Variants in NBEA observed in about 807,000 individuals in gnomAD.
NBEA encodes the protein neurobeachin.
A neutral mutation model predicts 343.4 loss-of-function variants in NBEA; 44 were observed. The ratio of observed to expected loss-of-function variants is 0.13; its 90% CI spans 0.10 to 0.16. The LOEUF is 0.16. Among genes scored for constraint, NBEA ranks in the 10% least tolerant of loss-of-function variants. NBEA has a pLI of 1.00. For synonymous variants in NBEA, 1,175 were observed against 1,238.7 expected (o/e 0.95, Z 1.08); for missense variants, 2,555 against 3,631.3 (o/e 0.70, Z 7.62).
intron 45 of NBEA, among the ~76,000 whole-genome samples, chr13:35,579,169 ATTGCTTTAAC>A (rs545101420): frequency 4.9e-4 from 74 of 152,214 alleles, no homozygotes; most frequent in African/African-American, 1.8e-3. Context: ...TGTTATTGAC[ATTGCTTTAAC>A]TAGGCCTCTG....
chr13:35,288,481 G>A (rs2035585435), intron 34 of NBEA, among the ~76,000 whole-genome samples: 1 of 151,904 alleles, frequency 6.6e-6, no homozygotes, highest in African/African-American at 2.4e-5. Flanking sequence ...AATACTGAGA[G>A]CACTGTTTGC....
intron 17 of NBEA, among the ~76,000 whole-genome samples, chr13:35,125,397 T>C (rs1280155612): frequency 3.9e-5 from 6 of 152,184 alleles, no homozygotes; most frequent in Non-Finnish European, 7.3e-5. Flanking sequence ...ATTACAAAAA[T>C]AGATCATTTG....
chr13:35,548,039 C>T (rs1448073546), intron 41 of NBEA, among the ~76,000 whole-genome samples: 1 of 152,128 alleles, frequency 6.6e-6, no homozygotes, highest in African/African-American at 2.4e-5. Context: ...GAGCCAAGTG[C>T]TGGAGAACAG....
intron 38 of NBEA, among the ~76,000 whole-genome samples, chr13:35,409,800 A>AAGT (rs146011146): frequency 0.035 from 5,292 of 152,188 alleles, 133 homozygotes; most frequent in Non-Finnish European, 0.053. Flanking sequence ...CAGCTTAACA[A>AAGT]AGTAGTAGCT....
At chr13:35,404,233 C>G (rs1420138902) in intron 38 of NBEA, among the ~76,000 whole-genome samples, 1 of 152,004 alleles carries the variant, frequency 6.6e-6, no homozygotes, top group Non-Finnish European at 1.5e-5. Context: ...TACCATTTGA[C>G]CCAGCCATCC....
Position 35,667,936 on chromosome 13 carries a change from C to A in NBEA, c.8661+366C>A, listed in dbSNP as rs188964243. Among the ~76,000 whole-genome samples the A allele has an allele frequency of 6.6e-3, 1,010 of 152,290 alleles. 9 individuals are homozygous for A. Among genetic ancestry groups the A allele is most frequent in the Admixed American group, 0.013 (197 of 15,296 alleles). On this transcript the variant is annotated intron_variant, in intron 57 of 58. Transcript: ENST00000379939. The stretch of plus-strand genomic sequence containing the variant: ...ACCCTAAACAAAAATTACATATACC[C>A]ATTTGCCCTTCATTCATGAATAAAT...
intron 18 of NBEA, among the ~76,000 whole-genome samples, chr13:35,152,355 A>C (rs1428576495): frequency 6.6e-6 from 1 of 152,178 alleles, no homozygotes; most frequent in Non-Finnish European, 1.5e-5. Flanking sequence ...CAAACTTTCT[A>C]TTCACAGAAA....
intron 31 of NBEA, among the ~76,000 whole-genome samples, chr13:35,207,293 G>A (rs1199736817): frequency 6.6e-6 from 1 of 152,006 alleles, no homozygotes; most frequent in Non-Finnish European, 1.5e-5. Flanking sequence ...GACCATTGAT[G>A]TAGTTTTCTT....
chr13:35,541,887 A>G (rs2078844266), intron 41 of NBEA, among the ~76,000 whole-genome samples: 2 of 151,986 alleles, frequency 1.3e-5, no homozygotes, highest in African/African-American at 2.4e-5. Context: ...AGCTATTAAT[A>G]TCTCATTCAA....
chr13:35,160,113 T>C (rs1474354813), intron 22 of NBEA, 81 bp downstream of exon 22: 5 of 1,230,794 alleles, frequency 4.1e-6, no homozygotes, highest in Non-Finnish European at 5.5e-6. Flanking sequence ...TAATTTCTTA[T>C]CAGTTACTTC....
chr13:35,129,368 A>G (rs117207897), intron 17 of NBEA, among the ~76,000 whole-genome samples: 6,966 of 152,266 alleles, frequency 0.046, 240 homozygotes, highest in Non-Finnish European at 0.067. Flanking sequence ...CTCACATTCC[A>G]GAAATGAAAA....
At chr13:35,039,883 T>C (rs1159341564) in intron 1 of NBEA, among the ~76,000 whole-genome samples, 2 of 152,146 alleles carry the variant, frequency 1.3e-5, no homozygotes, top group Non-Finnish European at 2.9e-5. Context: ...TATATAACTT[T>C]TAGCCACCTT....
intron 1 of NBEA, among the ~76,000 whole-genome samples, chr13:35,034,512 G>C (rs190736132): frequency 6.6e-6 from 1 of 151,508 alleles, no homozygotes; most frequent in African/African-American, 2.4e-5. Context: ...GACTGGTTTT[G>C]GTATCCGGGT....
intron 49 of NBEA, among the ~76,000 whole-genome samples, chr13:35,641,142 A>G (rs1443176228): frequency 2.0e-5 from 3 of 152,260 alleles, no homozygotes; most frequent in Admixed American, 6.5e-5. Context: ...AGTTTTATTA[A>G]TAAGTTATCA....
Position 35,173,564 on chromosome 13 carries a change from T to G in NBEA, c.4524T>G (p.Pro1508=), listed in dbSNP as rs764335367. The change falls in exon 27 of 59, where the codon CCT becomes CCG. Residue 1508 remains proline (P), a synonymous_variant. Coordinates refer to ENST00000379939, the MANE Select transcript of NBEA (RefSeq NM_001385012.1). ...GAAGCAGTAAACCTCAGGAAGTTCC[T>G]CAAAGTGTGACTGCTACAGCAGCTT... ...SHGSSKPQEV[P]QSVTATAASK... is the part of the protein sequence containing the mutation. The G allele has an allele frequency of 8.1e-6, 13 of 1,611,804 alleles. No homozygotes were observed. The Admixed American group carries it at 2.2e-4, about 27-fold the overall frequency.
intron 35 of NBEA, among the ~76,000 whole-genome samples, chr13:35,299,783 T>C (rs1158163209): frequency 6.6e-6 from 1 of 152,236 alleles, no homozygotes; most frequent in African/African-American, 2.4e-5. Context: ...GATAAGACTT[T>C]AAAATATACC....
chr13:35,270,477 T>A (rs2034044200), intron 34 of NBEA, among the ~76,000 whole-genome samples: 1 of 152,176 alleles, frequency 6.6e-6, no homozygotes, highest in Admixed American at 6.5e-5. Flanking sequence ...TGGGACTGGT[T>A]GGACAGTGGG....
At chr13:35,152,225 A>T (rs1474840988) in intron 18 of NBEA, among the ~76,000 whole-genome samples, 1 of 152,234 alleles carries the variant, frequency 6.6e-6, no homozygotes, top group Non-Finnish European at 1.5e-5. Flanking sequence ...CTATAAGGAT[A>T]TAACAATTTA....
chr13:35,389,217 G>A (rs1248810493), intron 38 of NBEA, among the ~76,000 whole-genome samples: 1 of 152,080 alleles, frequency 6.6e-6, no homozygotes, highest in African/African-American at 2.4e-5. Flanking sequence ...GTATCAGCCT[G>A]TGGTACTTAT....
Sources: allele counts gnomAD v4.1 joint callset (sites outside exome capture counted in the v4.1 genomes callset), GRCh38; gene constraint gnomAD v4.1.1; transcripts MANE v1.5; gene names NCBI Gene and HGNC (gene_info 2026-07-23, HGNC 2026-07-21).